The following MYT1L variants were observed in gnomAD, a reference collection of about 807,000 sequenced individuals.
The protein encoded by MYT1L is myelin transcription factor 1-like protein.
In MYT1L, 12 loss-of-function variants were observed where a neutral mutation model predicts 126.7. The ratio of observed to expected loss-of-function variants is 0.09; its 90% CI spans 0.06 to 0.15. MYT1L has a LOEUF of 0.15. Among genes scored for constraint, MYT1L ranks in the 10% least tolerant of loss-of-function variants. The pLI, the probability that MYT1L is intolerant of heterozygous loss-of-function variation, is 1.00. For synonymous variants in MYT1L, 541 were observed against 604.2 expected (o/e 0.90, Z 1.53); for missense variants, 979 against 1,585.2 (o/e 0.62, Z 6.49).
At chr2:2,014,124 C>G (rs2064118387) in intron 4 of MYT1L, among the ~76,000 whole-genome samples, 2 of 151,790 alleles carry the variant, frequency 1.3e-5, no homozygotes, top group South Asian at 4.2e-4. Context: ...TGAAATAAAA[C>G]TTTGAGAGCA....
At chr2:2,020,936 C>T (rs993101934) in intron 4 of MYT1L, among the ~76,000 whole-genome samples, 1 of 152,250 alleles carries the variant, frequency 6.6e-6, no homozygotes, top group African/African-American at 2.4e-5. Context: ...CTCTGAGCAG[C>T]TCCTTCCAGA....
intron 3 of MYT1L, among the ~76,000 whole-genome samples, chr2:2,104,727 C>T (rs1046258014): frequency 6.6e-6 from 1 of 152,214 alleles, no homozygotes; most frequent in African/African-American, 2.4e-5. Flanking sequence ...AGGAAACACT[C>T]GCCCCTGCTT....
At chr2:2,049,975 A>G (rs1028682879) in intron 4 of MYT1L, among the ~76,000 whole-genome samples, 1 of 151,952 alleles carries the variant, frequency 6.6e-6, no homozygotes, top group African/African-American at 2.4e-5. Context: ...ATATATATAT[A>G]AATATGTATA....
intron 1 of MYT1L, among the ~76,000 whole-genome samples, chr2:2,285,989 C>CTT (rs71404170): frequency 7.3e-5 from 11 of 150,622 alleles, no homozygotes; most frequent in South Asian, 2.1e-4. Flanking sequence ...CTTCTTCTTC[C>CTT]TTTTTTTTTG....
rs147432811 is a variant in MYT1L, at chr2:2,095,411, A to G, written c.-303-41288T>C. 3.9e-3 allele frequency among the ~76,000 whole-genome samples: 597 copies of G among 152,334 alleles called. 8 individuals are homozygous for G. The highest frequency in any genetic ancestry group is 0.014 in the African/African-American group (573 of 41,578). On this transcript the variant is annotated intron_variant, in intron 3 of 24. Transcript: ENST00000647738. ...TTACAAGAGTTCTATGAAAAGGGTC[A>G]TGTAGGCCCTGAATACACAAGGACT...
chr2:1,945,177 T>C (rs11687068), intron 8 of MYT1L, among the ~76,000 whole-genome samples: 32,358 of 152,044 alleles, frequency 0.21, 3,525 homozygotes, highest in East Asian at 0.31. Context: ...TCCAATCAAC[T>C]TCGTGGATGA....
chr2:1,905,023 C>T (rs2050862892), intron 13 of MYT1L, among the ~76,000 whole-genome samples: 1 of 151,894 alleles, frequency 6.6e-6, no homozygotes, highest in Admixed American at 6.6e-5. Context: ...GTCTCGATCT[C>T]CTGACCTCGT....
At chr2:1,835,015 C>CATGGTGATGGAT (rs2040683648) in intron 21 of MYT1L, among the ~76,000 whole-genome samples, 37 of 125,322 alleles carry the variant, frequency 3.0e-4, no homozygotes, top group African/African-American at 9.1e-4. Flanking sequence ...CTCCACATAC[C>CATGGTGATGGAT]ACGGGGATGG....
At position 2,029,367 on chromosome 2, in the gene MYT1L, A is replaced by G. The variant is rs181068128; in HGVS notation, c.-158+24611T>C. ...ACATGGCTGGGGAGGCCTCACAATC[A>G]TGGCGGAAGATGAAGAAAGAGCAAA... On this transcript the variant is annotated intron_variant, in intron 4 of 24. Coordinates refer to ENST00000647738, the MANE Select transcript of MYT1L (RefSeq NM_001303052.2). Among the ~76,000 whole-genome samples the G allele has an allele frequency of 6.6e-4, 100 of 152,350 alleles. 1 individual carries two copies. The highest frequency in any genetic ancestry group is 3.7e-3 in the East Asian group (19 of 5,186).
intron 3 of MYT1L, among the ~76,000 whole-genome samples, chr2:2,083,550 C>G (rs1241184820): frequency 1.3e-5 from 2 of 152,234 alleles, no homozygotes; most frequent in African/African-American, 4.8e-5. Context: ...TGCAAGCCAC[C>G]TTTCCTGCAA....
chr2:1,930,404 G>A (rs1327093614), intron 9 of MYT1L, among the ~76,000 whole-genome samples: 1 of 152,210 alleles, frequency 6.6e-6, no homozygotes, highest in Non-Finnish European at 1.5e-5. Context: ...CTCAATAAAT[G>A]CAGACATAAT....
intron 1 of MYT1L, among the ~76,000 whole-genome samples, chr2:2,330,231 T>C (rs1421123039): frequency 6.6e-6 from 1 of 152,078 alleles, no homozygotes; most frequent in African/African-American, 2.4e-5. Context: ...CTAAGTAACT[T>C]AGAAATTATT....
chr2:2,144,904 C>T (rs914317454), intron 3 of MYT1L, among the ~76,000 whole-genome samples: 15 of 152,062 alleles, frequency 9.9e-5, no homozygotes, highest in African/African-American at 3.6e-4. Flanking sequence ...GTGAATTATA[C>T]CTTTAATTAT....
intron 2 of MYT1L, among the ~76,000 whole-genome samples, chr2:2,283,521 T>TG (rs2095478761): frequency 1.3e-5 from 2 of 152,178 alleles, no homozygotes; most frequent in Admixed American, 6.5e-5. Context: ...TAGAGGACAT[T>TG]GGGTCCAACA....
At chr2:1,855,809 T>G (rs2043844225) in intron 18 of MYT1L, among the ~76,000 whole-genome samples, 1 of 141,530 alleles carries the variant, frequency 7.1e-6, no homozygotes, top group Admixed American at 6.8e-5. Flanking sequence ...AGTCCTGATC[T>G]TGCTTCATCT....
intron 2 of MYT1L, among the ~76,000 whole-genome samples, chr2:2,259,480 G>GTA (rs370151725): frequency 0.013 from 2,024 of 150,126 alleles, 38 homozygotes; most frequent in African/African-American, 0.048. Context: ...CTTTCCTAAT[G>GTA]TATATATATA....
At position 1,999,321 on chromosome 2, in the gene MYT1L, T is replaced by C. The variant is rs945585575; in HGVS notation, c.-157-1974A>G. On this transcript the variant is annotated intron_variant, in intron 4 of 24. Coordinates refer to ENST00000647738, the MANE Select transcript of MYT1L (RefSeq NM_001303052.2). ...CTACATATGAATGTGACCAGTTAATTTGCCCACCCTTGACTGAGGGCTGAG... is the reference window on the plus strand; with the variant it reads ...CTACATATGAATGTGACCAGTTAATCTGCCCACCCTTGACTGAGGGCTGAG... Among the ~76,000 whole-genome samples the C allele has an allele frequency of 5.8e-4, 89 of 152,236 alleles. 1 individual carries two copies. The highest frequency in any genetic ancestry group is 1.0e-4 in the Non-Finnish European group (7 of 68,024).
At chr2:1,970,395 G>A (rs1043386333) in intron 8 of MYT1L, among the ~76,000 whole-genome samples, 11 of 152,176 alleles carry the variant, frequency 7.2e-5, no homozygotes, top group African/African-American at 2.7e-4. Context: ...AGCTTAGATG[G>A]GTGTGGTGAG....
intron 2 of MYT1L, among the ~76,000 whole-genome samples, chr2:2,275,294 T>C (rs997153474): frequency 2.6e-5 from 4 of 151,122 alleles, no homozygotes; most frequent in Non-Finnish European, 5.9e-5. Context: ...TGTGAGACTA[T>C]CACATTGCTG....
Sources: gnomAD v4.1 joint callset for allele counts (sites outside exome capture counted in the v4.1 genomes callset) on GRCh38, gnomAD v4.1.1 for gene constraint, MANE v1.5 for transcripts, NCBI Gene and HGNC (gene_info 2026-07-23, HGNC 2026-07-21) for gene names.